The following DNAH17 variants were observed in gnomAD, a reference collection of about 807,000 sequenced individuals.
DNAH17 encodes the protein dynein axonemal heavy chain 17.
DNAH17 carries 376 observed loss-of-function variants against 485.6 expected under a neutral mutation model. That is an observed-to-expected ratio of 0.77 (90% CI 0.71 to 0.84). The LOEUF is 0.84. Among genes scored for constraint, DNAH17 ranks in the 40% least tolerant of loss-of-function variants. The pLI is 0.00. For synonymous variants in DNAH17, 3,031 were observed against 2,405.9 expected, an observed-to-expected ratio of 1.26 and a Z score of -7.60; for missense variants, 6,370 against 5,839.3, an observed-to-expected ratio of 1.09 and a Z score of -2.96.
chr17:78,572,973 G>T, intron 2 of DNAH17, 79 bp from the exon 3 acceptor site: 1 of 1,341,092 alleles, frequency 7.5e-7, no homozygotes, highest in Non-Finnish European at 1.0e-6. Context: ...GTCCCCGGGG[G>T]GTTCCAAAGA....
chr17:78,483,157 C>T lies in DNAH17; in HGVS notation c.7649+1711G>A, dbSNP rs115053594. 5.4e-3 allele frequency among the ~76,000 whole-genome samples: 826 copies of T among 152,330 alleles called. 8 individuals are homozygous for T. The highest frequency in any genetic ancestry group is 0.019 in the African/African-American group (786 of 41,566). On this transcript the variant is annotated intron_variant, in intron 48 of 80. Transcript: ENST00000389840. ...GGTTCTCCTCAAATGATGTCAAACT[C>T]TCTCCAGGCTCCCTCCTCAGAGTGG... is the stretch of plus-strand genomic sequence containing the variant.
chr17:78,558,065 A>G lies in DNAH17; in HGVS notation c.2178+43T>C, dbSNP rs4969171. On this transcript the variant is annotated intron_variant, in intron 14 of 80. Coordinates refer to ENST00000389840, the MANE Select transcript of DNAH17 (RefSeq NM_173628.4). ...AACAAACTTGACAAAAAACCAAAACAATACAAAGCTGCATCAGGAATAGTA... is the reference window on the plus strand; with the variant it reads ...AACAAACTTGACAAAAAACCAAAACGATACAAAGCTGCATCAGGAATAGTA... The G allele has an allele frequency of 0.67, 1,050,758 of 1,559,228 alleles. 355,314 individuals carry two copies. The highest frequency in any genetic ancestry group is 0.7 in the East Asian group (30,473 of 43,832).
chr17:78,553,001 T>G (rs1001873198), intron 14 of DNAH17, among the ~76,000 whole-genome samples, 196 bp from the exon 15 acceptor site: 1 of 152,126 alleles, frequency 6.6e-6, no homozygotes, highest in African/African-American at 2.4e-5. Flanking sequence ...GGGACAATGA[T>G]CTCATGAATG....
chr17:78,566,452 G>T (rs1399452374), intron 11 of DNAH17, among the ~76,000 whole-genome samples, 162 bp downstream of exon 11: 1 of 152,190 alleles, frequency 6.6e-6, no homozygotes, highest in African/African-American at 2.4e-5. Context: ...TACACTGGGT[G>T]TTCACGGCTG....
At chr17:78,554,436 CAAAAAAAAAAAA>C (rs55701739) in intron 14 of DNAH17, among the ~76,000 whole-genome samples, 29 of 32,256 alleles carry the variant, frequency 9.0e-4, no homozygotes, top group Admixed American at 1.9e-3. Context: ...GACTCTGTCT[CAAAAAAAAAAAA>C]AAAAAAAAAA....
rs369785584 is a variant in DNAH17, at chr17:78,475,480, C to G, written c.8320-11G>C. The G allele has an allele frequency of 1.5e-5, 24 of 1,613,570 alleles. No individual in the cohort carries two copies. Among genetic ancestry groups the G allele is most frequent in the Non-Finnish European group, 2.0e-5 (24 of 1,179,844 alleles). On this transcript the variant is annotated splice_polypyrimidine_tract_variant and intron_variant, in intron 53 of 80. Transcript: ENST00000389840. ...GTCCTCAAACAGCACCTGCAGAAAC[C>G]GGAGAGATCCCACAACATCTTGTAG... is the stretch of plus-strand genomic sequence containing the variant.
intron 14 of DNAH17, among the ~76,000 whole-genome samples, chr17:78,553,310 T>A (rs2091949842): frequency 1.6e-5 from 1 of 63,096 alleles, no homozygotes; most frequent in Non-Finnish European, 3.8e-5. Context: ...TTTTTTTTTT[T>A]TTTTTTTTTA....
intron 37 of DNAH17, 43 bp downstream of exon 37, chr17:78,498,964 CA>C: frequency 6.8e-7 from 1 of 1,472,694 alleles, no homozygotes; most frequent in Non-Finnish European, 9.2e-7. Flanking sequence ...GCTGACGAGC[CA>C]GTCACCCGAC....
chr17:78,565,224 G>C (rs1470099659), intron 11 of DNAH17, among the ~76,000 whole-genome samples: 2 of 152,150 alleles, frequency 1.3e-5, no homozygotes, highest in African/African-American at 4.8e-5. Flanking sequence ...GGTATAAATC[G>C]TGAGTAAGGT....
In DNAH17 at chr17:78,492,625, C is replaced by G. The variant is rs767886884; in HGVS notation, c.6541+8G>C. ...CCCTGCAGCCTGTCCCGGGACCACC[C>G]TCGTTACCATCTTTCCATTCCCTGG... On this transcript the variant is annotated splice_region_variant and intron_variant, in intron 42 of 80. Transcript: ENST00000389840. The G allele has an allele frequency of 1.9e-6, 3 of 1,613,504 alleles. No individual in the cohort carries two copies. The highest frequency in any genetic ancestry group is 2.5e-6 in the Non-Finnish European group (3 of 1,179,650).
At position 78,450,797 on chromosome 17, in the gene DNAH17, A is replaced by G. The variant is rs1418782829; in HGVS notation, c.10784T>C (p.Leu3595Pro). ...QNEFKIVLKE[L>P]EDSLLARLSA... Reference sequence around the variant, plus strand: ...CAGACGGGCCAGGAGCGAATCTTCCAGCTCTTTCAGAACAATCTTAAATTC... The same window carrying G: ...CAGACGGGCCAGGAGCGAATCTTCCGGCTCTTTCAGAACAATCTTAAATTC... The change falls in exon 67 of 81, where the codon CTG becomes CCG. Residue 3595 changes from leucine (L) to proline (P), a missense_variant. By Grantham distance (98) the Leu-to-Pro change is moderately conservative (BLOSUM62 -3). Coordinates refer to ENST00000389840, the MANE Select transcript of DNAH17 (RefSeq NM_173628.4). 5 of 1,613,934 alleles carry G rather than the reference A, an allele frequency of 3.1e-6. No individual in the cohort carries two copies. The highest frequency in any genetic ancestry group is 4.2e-6 in the Non-Finnish European group (5 of 1,179,912).
At chr17:78,450,088 GC>G in intron 68 of DNAH17, 165 bp downstream of exon 68, 1 of 784,578 alleles carries the variant, frequency 1.3e-6, no homozygotes, top group Non-Finnish European at 2.0e-6. Context: ...ACTGATGGGG[GC>G]CCCTGGCTCC....
intron 25 of DNAH17, among the ~76,000 whole-genome samples, chr17:78,516,751 A>C: frequency 6.6e-6 from 1 of 151,946 alleles, no homozygotes; most frequent in East Asian, 1.9e-4. Flanking sequence ...ATTGTTGAAA[A>C]AGTATCAAGA....
Position 78,526,619 on chromosome 17 carries a change from T to C in DNAH17, c.3711+32A>G, listed in dbSNP as rs2091082265. 4.6e-6 allele frequency: 7 copies of C among 1,537,074 alleles called. 1 individual carries two copies. Among genetic ancestry groups the C allele is most frequent in the Non-Finnish European group, 6.2e-6 (7 of 1,130,734 alleles). ...AAGAAAGCAGTGGGGTTCCCAGACTTACCCCCTGATCTCACCCTTGAGCAA... is the reference window on the plus strand; with the variant it reads ...AAGAAAGCAGTGGGGTTCCCAGACTCACCCCCTGATCTCACCCTTGAGCAA... On this transcript the variant is annotated intron_variant, in intron 24 of 80. Coordinates refer to ENST00000389840, the MANE Select transcript of DNAH17 (RefSeq NM_173628.4).
chr17:78,426,050 A>C (rs1168814547), intron 79 of DNAH17, among the ~76,000 whole-genome samples: 1 of 152,218 alleles, frequency 6.6e-6, no homozygotes, highest in Non-Finnish European at 1.5e-5. Context: ...GGTGTGAACC[A>C]CCGTGTCCAG....
rs2086222112 is a variant in DNAH17 at position 78,423,876 on chromosome 17, A to G, written c.*30T>C. On this transcript the variant is annotated 3_prime_UTR_variant, in exon 81 of 81. Transcript: ENST00000389840. ...AAGGGCTGAGTTGTGGTCCAGCCCC[A>G]GGGAGTGTGGGCTGTGAGGCAGGAG... 1 of 1,611,970 alleles carries G rather than the reference A, an allele frequency of 6.2e-7. No homozygotes were observed. Among genetic ancestry groups the G allele is most frequent in the Non-Finnish European group, 8.5e-7 (1 of 1,178,562 alleles).
chr17:78,501,487 C>G (rs559348351), intron 34 of DNAH17, 143 bp from the exon 35 acceptor site: 2 of 1,102,806 alleles, frequency 1.8e-6, no homozygotes, highest in African/African-American at 3.2e-5. Context: ...GCACCCACAT[C>G]CAACTGTATG....
chr17:78,512,658 G>A (rs958905471), intron 26 of DNAH17, among the ~76,000 whole-genome samples: 2 of 152,112 alleles, frequency 1.3e-5, no homozygotes, highest in East Asian at 3.9e-4. Context: ...TTAATCAATG[G>A]AGGCCAGGTG....
At chr17:78,510,982 C>A (rs2143082721) in intron 26 of DNAH17, among the ~76,000 whole-genome samples, 1 of 152,312 alleles carries the variant, frequency 6.6e-6, no homozygotes, top group African/African-American at 2.4e-5. Flanking sequence ...GGCCACAGGC[C>A]AAGGAATGCC....
Sources: allele counts gnomAD v4.1 joint callset (sites outside exome capture counted in the v4.1 genomes callset), GRCh38; gene constraint gnomAD v4.1.1; transcripts MANE v1.5; gene names NCBI Gene and HGNC (gene_info 2026-07-23, HGNC 2026-07-21).